The following CFAP20DC variants were observed in gnomAD, a reference collection of about 807,000 sequenced individuals.
CFAP20DC encodes CFAP20 domain containing.
Under a neutral mutation model 101.7 loss-of-function variants are expected in CFAP20DC, and 84 were observed. The observed-to-expected ratio is 0.83, with a 90% CI of 0.69 to 0.99. The LOEUF (loss-of-function observed/expected upper bound fraction) is 0.99. Among genes scored for constraint, CFAP20DC ranks in the 50% least tolerant of loss-of-function variants. The pLI is 0.00. For missense variants in CFAP20DC, 1,007 were observed against 970.3 expected (o/e 1.04, Z -0.50); for synonymous variants, 359 against 351.2 (o/e 1.02, Z -0.25).
At position 58,863,254 on chromosome 3, in the gene CFAP20DC, A is replaced by T; in HGVS notation, c.1593+304T>A. The T allele has an allele frequency of 7.2e-7, 1 of 1,379,866 alleles. No individual in the cohort carries two copies. The allele number at this position is 1,379,866 out of a possible 1,614,324, so 85.5% of individuals were successfully genotyped here. ...TCAGTGTTTTACTGGTCTTGCTATC[A>T]TAGCACTAAACTGCATATCGTTTCT... On this transcript the variant is annotated intron_variant, in intron 12 of 16. Transcript: ENST00000482387. The surrounding 1 kb of genome is among the most constrained non-coding windows in gnomAD (Gnocchi z 5.9).
At position 58,845,631 on chromosome 3, in the gene CFAP20DC, C is replaced by G. The variant is rs1047473029; in HGVS notation, c.1971+3401G>C. Among the ~76,000 whole-genome samples, 165 of 152,190 alleles carry G rather than the reference C, an allele frequency of 1.1e-3. 1 individual carries two copies. The highest frequency in any genetic ancestry group is 2.8e-3 in the African/African-American group (116 of 41,528). On this transcript the variant is annotated intron_variant, in intron 13 of 16. Coordinates refer to ENST00000482387, the MANE Select transcript of CFAP20DC (RefSeq NM_001394063.1). ...CCTTCTGAAACTATTCCAATCAATA[C>G]AAAAAGAGGGAATCCTCCCTAACTC...
intron 13 of CFAP20DC, among the ~76,000 whole-genome samples, chr3:58,846,696 C>G (rs1403179854): frequency 1.3e-5 from 2 of 151,310 alleles, no homozygotes; most frequent in Non-Finnish European, 1.5e-5. Context: ...AAAAAGAGCC[C>G]GCATCGCCAA....
chr3:59,045,642 G>T (rs1332792161), intron 3 of CFAP20DC, among the ~76,000 whole-genome samples: 1 of 152,004 alleles, frequency 6.6e-6, no homozygotes, highest in Non-Finnish European at 1.5e-5. Flanking sequence ...AAGTAAACAA[G>T]AATTGAAATA....
intron 4 of CFAP20DC, among the ~76,000 whole-genome samples, chr3:58,978,787 T>C (rs1360102585): frequency 6.6e-6 from 1 of 151,998 alleles, no homozygotes; most frequent in Non-Finnish European, 1.5e-5. Flanking sequence ...TTTCTGGACT[T>C]GGGGCTTCCT....
At chr3:58,796,004 G>A (rs957661250) in intron 15 of CFAP20DC, among the ~76,000 whole-genome samples, 1 of 152,148 alleles carries the variant, frequency 6.6e-6, no homozygotes, top group Non-Finnish European at 1.5e-5. Flanking sequence ...CATGGAGAGA[G>A]TGAAGACAAA....
chr3:59,013,845 A>G (rs982286558), intron 4 of CFAP20DC, among the ~76,000 whole-genome samples: 14 of 152,170 alleles, frequency 9.2e-5, no homozygotes, highest in African/African-American at 3.1e-4. Context: ...CTACTGTTTG[A>G]ATATAAAAAA....
intron 4 of CFAP20DC, among the ~76,000 whole-genome samples, chr3:59,012,493 C>T (rs914812119): frequency 2.0e-5 from 3 of 151,900 alleles, no homozygotes; most frequent in Admixed American, 2.0e-4. Context: ...TGGTTTTAGA[C>T]AGCGTAAGGC....
chr3:58,773,197 G>A lies in CFAP20DC; in HGVS notation c.2238-19334C>T, dbSNP rs912379143. ...ACCAACTAAGGAGAGAGTGAAGTGG[G>A]TTTTCTTCCTCATACTAACTTGCAT... On this transcript the variant is annotated intron_variant, in intron 15 of 16. Transcript: ENST00000482387. 6.6e-5 allele frequency among the ~76,000 whole-genome samples: 10 copies of A among 151,782 alleles called. No homozygotes were observed. In the East Asian group the frequency reaches 1.4e-3, roughly 21 times the overall value.
intron 13 of CFAP20DC, among the ~76,000 whole-genome samples, chr3:58,842,756 G>A (rs369637422): frequency 6.6e-6 from 1 of 152,230 alleles, no homozygotes; most frequent in Non-Finnish European, 1.5e-5. Context: ...GCAGACTTAA[G>A]TGTCCCTGTC....
chr3:58,906,153 T>G (rs1019190381), intron 6 of CFAP20DC, among the ~76,000 whole-genome samples: 2 of 152,124 alleles, frequency 1.3e-5, no homozygotes, highest in Non-Finnish European at 2.9e-5. Context: ...TATCTATAAG[T>G]GTTTAGAACT....
rs141108778 is a variant in CFAP20DC, at chr3:58,859,405, C to A, written c.1593+4153G>T. 1.3e-3 allele frequency among the ~76,000 whole-genome samples: 204 copies of A among 152,276 alleles called. 1 individual carries two copies. The highest frequency in any genetic ancestry group is 4.4e-3 in the African/African-American group (183 of 41,550). On this transcript the variant is annotated intron_variant, in intron 12 of 16. Coordinates refer to ENST00000482387, the MANE Select transcript of CFAP20DC (RefSeq NM_001394063.1). The surrounding 1 kb of genome is among the most constrained non-coding windows in gnomAD (Gnocchi z 4.1). ...CTTCATGTTCTTTTAACTGACAACA[C>A]TTTAAAGATTTCTTGTGAAAACTAT...
At chr3:58,978,417 G>A (rs1423148262) in intron 4 of CFAP20DC, among the ~76,000 whole-genome samples, 2 of 152,066 alleles carry the variant, frequency 1.3e-5, no homozygotes, top group Admixed American at 6.6e-5. Flanking sequence ...CTCAAGAAAA[G>A]TATTATTCTT....
chr3:58,984,246 T>C (rs923295774), intron 4 of CFAP20DC, among the ~76,000 whole-genome samples: 1 of 152,222 alleles, frequency 6.6e-6, no homozygotes, highest in African/African-American at 2.4e-5. Flanking sequence ...TCATCAATAA[T>C]TGTTATTGGC....
chr3:58,777,873 G>A (rs112351093), intron 15 of CFAP20DC, among the ~76,000 whole-genome samples: 3 of 152,316 alleles, frequency 2.0e-5, no homozygotes, highest in African/African-American at 7.2e-5. Context: ...GACAGTTCAT[G>A]CTCAATCCTA....
In CFAP20DC at chr3:58,788,632, A is replaced by T. The variant is rs1317086621; in HGVS notation, c.2237+17763T>A. Among the ~76,000 whole-genome samples, 1 of 151,938 alleles carries T rather than the reference A, an allele frequency of 6.6e-6. No individual in the cohort carries two copies. Among genetic ancestry groups the T allele is most frequent in the Non-Finnish European group, 1.5e-5 (1 of 67,980 alleles). On this transcript the variant is annotated intron_variant, in intron 15 of 16. Transcript: ENST00000482387. The surrounding 1 kb of genome is among the most constrained non-coding windows in gnomAD (Gnocchi z 4.2). ...GACTACCACCACCACAGTGGAAAAC[A>T]CTTTGACAATCCAATGTGGAACTGT...
chr3:58,771,866 C>T (rs939079466), intron 15 of CFAP20DC, among the ~76,000 whole-genome samples: 4 of 152,184 alleles, frequency 2.6e-5, no homozygotes, highest in South Asian at 2.1e-4. Flanking sequence ...TATCTCTCAT[C>T]GTTATAATGG....
At chr3:58,968,956 GA>G (rs1187788949) in intron 4 of CFAP20DC, among the ~76,000 whole-genome samples, 1 of 152,108 alleles carries the variant, frequency 6.6e-6, no homozygotes, top group Non-Finnish European at 1.5e-5. Context: ...ACCATTTATT[GA>G]ATACAAAGTC....
At chr3:58,823,642 G>C (rs2107953123) in intron 14 of CFAP20DC, among the ~76,000 whole-genome samples, 1 of 152,196 alleles carries the variant, frequency 6.6e-6, no homozygotes, top group South Asian at 2.1e-4. Flanking sequence ...AACCCAGGCA[G>C]TCTGAGTCCA....
chr3:58,810,469 T>C (rs1196604184), intron 14 of CFAP20DC, among the ~76,000 whole-genome samples: 2 of 152,106 alleles, frequency 1.3e-5, no homozygotes, highest in African/African-American at 4.8e-5. Context: ...ATAATCCCAA[T>C]AGATGCAGAA....
Sources: gnomAD v4.1 joint callset for allele counts (sites outside exome capture counted in the v4.1 genomes callset) on GRCh38, gnomAD v4.1.1 for gene constraint, Gnocchi (gnomAD v3.1) non-coding constraint, MANE v1.5 for transcripts, NCBI Gene and HGNC (gene_info 2026-07-23, HGNC 2026-07-21) for gene names.